The following TCTN1 variants were observed in gnomAD, a reference collection of about 807,000 sequenced individuals.
TCTN1 encodes the protein tectonic-1.
A neutral mutation model predicts 65.8 loss-of-function variants in TCTN1; 58 were observed. The observed-to-expected ratio is 0.88, with a 90% CI of 0.71 to 1.10. TCTN1 has a LOEUF of 1.10. Ranked by LOEUF, TCTN1 falls within the 50% of genes least tolerant of loss-of-function variation. The pLI is 0.00. For missense variants in TCTN1, 645 were observed against 719.4 expected (o/e 0.90, Z 1.18); for synonymous variants, 273 against 289.1 (o/e 0.94, Z 0.57).
chr12:110,634,443 G>A lies in TCTN1; in HGVS notation c.713-227G>A, dbSNP rs199643775. 1,566 of 573,914 alleles carry A rather than the reference G, an allele frequency of 2.7e-3. 11 individuals carry two copies. The highest frequency in any genetic ancestry group is 3.4e-3 in the Non-Finnish European group (1,043 of 305,738). 35.6% of individuals were successfully genotyped at this position (573,914 alleles called of 1,614,324 possible). A position where few individuals can be genotyped will look rare whatever the true frequency, so the allele number is the denominator to read the frequency against. ...TGTAATCCCAGCACTCTGGGAGGCC[G>A]AGGCGAGAGGATCACTTGAGGTGAG... On this transcript the variant is annotated intron_variant, in intron 5 of 14. Transcript: ENST00000397659.
intron 7 of TCTN1, among the ~76,000 whole-genome samples, chr12:110,637,292 C>T (rs1304652103): frequency 6.6e-6 from 1 of 152,258 alleles, no homozygotes; most frequent in Non-Finnish European, 1.5e-5. Flanking sequence ...ACATGAGGTG[C>T]TGGTGCGGCA....
At chr12:110,616,854 C>G (rs1295893323) in intron 1 of TCTN1, 1 of 152,324 alleles carries the variant, frequency 6.6e-6, no homozygotes, top group Non-Finnish European at 1.5e-5. Context: ...AGTGATAACC[C>G]TTCATCTTGA....
rs371539069 is a variant in TCTN1 at position 110,647,241 on chromosome 12, A to G, written c.1540A>G (p.Ile514Val). Residue 514 changes from isoleucine to valine, a missense_variant, in exon 13 of 15, where the codon ATA (isoleucine) becomes GTA (valine). Physicochemically the swap from Ile to Val is conservative, Grantham distance 29 (BLOSUM62 3). Coordinates refer to ENST00000397659, the MANE Select transcript of TCTN1 (RefSeq NM_001082538.3). ...DSCQLPGALVIEVKWTKYGSL... is the reference protein window; with the variant it reads ...DSCQLPGALVVEVKWTKYGSL... ...CTGCCAGCTCCCAGGGGCTTTGGTTATAGAAGTGAAGTGGACTAAATACGG... is the reference window on the plus strand; with the variant it reads ...CTGCCAGCTCCCAGGGGCTTTGGTTGTAGAAGTGAAGTGGACTAAATACGG... 44 of 1,614,076 alleles carry G rather than the reference A, an allele frequency of 2.7e-5. No individual in the cohort carries two copies. The highest frequency in any genetic ancestry group is 3.5e-5 in the Non-Finnish European group (41 of 1,180,044).
chr12:110,647,501 C>T lies in TCTN1; in HGVS notation c.1635+165C>T, dbSNP rs77123937. The T allele has an allele frequency of 8.7e-3, 8,985 of 1,036,772 alleles. 36 individuals carry two copies. The highest frequency in any genetic ancestry group is 0.01 in the Non-Finnish European group (7,150 of 702,594). 64.2% of individuals were successfully genotyped at this position (1,036,772 alleles called of 1,614,324 possible). A position where few individuals can be genotyped will look rare whatever the true frequency, so the allele number is the denominator to read the frequency against. ...CTTAGAAACACTGACGATGGTTCTA[C>T]TTACATTAGCATTCTGGTTCAGATT... is the stretch of plus-strand genomic sequence containing the variant. On this transcript the variant is annotated intron_variant, in intron 13 of 14. Coordinates refer to ENST00000397659, the MANE Select transcript of TCTN1 (RefSeq NM_001082538.3).
chr12:110,619,956 C>A lies in TCTN1; in HGVS notation c.341C>A (p.Thr114Lys). The A allele has an allele frequency of 1.2e-6, 2 of 1,614,120 alleles. No homozygotes were observed. Among genetic ancestry groups the A allele is most frequent in the Admixed American group, 1.7e-5 (1 of 59,992 alleles). Residue 114 changes from threonine (T) to lysine (K), a missense_variant and splice_region_variant, in exon 2 of 15, where the codon ACG becomes AAG. Coordinates refer to ENST00000397659, the MANE Select transcript of TCTN1 (RefSeq NM_001082538.3). Reference protein sequence around the residue: ...VFSACSVPVVTGDSQFCSQKA... With the variant: ...VFSACSVPVVKGDSQFCSQKA... ...TCTGCCTGCTCAGTTCCAGTTGTCACGTAAGTTTACGTATGACACATGCAA... is the reference window on the plus strand; with the variant it reads ...TCTGCCTGCTCAGTTCCAGTTGTCAAGTAAGTTTACGTATGACACATGCAA...
intron 3 of TCTN1, chr12:110,627,802 T>C (rs1404106310): frequency 5.1e-6 from 3 of 582,786 alleles, no homozygotes; most frequent in Non-Finnish European, 9.1e-6. Flanking sequence ...CCAAAGTACA[T>C]GTACATGTAA....
Position 110,640,237 on chromosome 12 carries a change from G to A in TCTN1, c.844-146G>A, listed in dbSNP as rs1453079204. On this transcript the variant is annotated intron_variant, in intron 7 of 14. Coordinates refer to ENST00000397659, the MANE Select transcript of TCTN1 (RefSeq NM_001082538.3). This position sits in a 1 kb window ranked among gnomAD's most constrained non-coding sequence, Gnocchi z 4.9. ...ATATATGTTTATTACTTTTGCAAAT[G>A]TGGATCATAGTATATACACTGTTGT... The A allele has an allele frequency of 3.3e-6, 3 of 909,790 alleles. No individual in the cohort carries two copies. The highest frequency in any genetic ancestry group is 5.2e-6 in the Non-Finnish European group (3 of 573,222). The allele number at this position is 909,790 out of a possible 1,614,324, so 56.4% of individuals were successfully genotyped here. A position where few individuals can be genotyped will look rare whatever the true frequency, so the allele number is the denominator to read the frequency against.
At position 110,628,122 on chromosome 12, in the gene TCTN1, A is replaced by C. The variant is rs763001913; in HGVS notation, c.473-645A>C. ...GTCGGATTCTTTCATTCCCATAGCC[A>C]TCCGGAGAGAGCTTCTCCTTACAGG... is the stretch of plus-strand genomic sequence containing the variant. On this transcript the variant is annotated intron_variant, in intron 3 of 14. Transcript: ENST00000397659. 11 of 1,535,968 alleles carry C rather than the reference A, an allele frequency of 7.2e-6. No homozygotes were observed. The South Asian group carries it at 1.3e-4, about 18-fold the overall frequency.
intron 12 of TCTN1, chr12:110,645,583 A>C (rs945764439): frequency 4.4e-6 from 1 of 226,276 alleles, no homozygotes; most frequent in Non-Finnish European, 8.9e-6. Flanking sequence ...ACTTCCGTGC[A>C]TGTGGCTCTC....
In TCTN1 at chr12:110,640,648, C is replaced by T; in HGVS notation, c.978+131C>T. On this transcript the variant is annotated intron_variant, in intron 8 of 14. Coordinates refer to ENST00000397659, the MANE Select transcript of TCTN1 (RefSeq NM_001082538.3). The surrounding 1 kb of genome is among the most constrained non-coding windows in gnomAD (Gnocchi z 4.9). ...GTGTGGCTTTTCTTGGCTCAGCTGC[C>T]TGCTTGTCTTTCTGCTGTCTCATCA... is the stretch of plus-strand genomic sequence containing the variant. The T allele has an allele frequency of 7.7e-7, 1 of 1,306,140 alleles. No individual in the cohort carries two copies. Among genetic ancestry groups the T allele is most frequent in the Non-Finnish European group, 1.1e-6 (1 of 911,618 alleles). 80.9% of individuals were successfully genotyped at this position (1,306,140 alleles called of 1,614,324 possible).
At chr12:110,626,519 G>T in intron 3 of TCTN1, 27 bp downstream of exon 3, 1 of 1,603,222 alleles carries the variant, frequency 6.2e-7, no homozygotes, top group Non-Finnish European at 8.5e-7. Flanking sequence ...GATATATTTT[G>T]TGAAGCTCTG....
At chr12:110,628,541 G>A (rs1217537206) in intron 3 of TCTN1, among the ~76,000 whole-genome samples, 3 of 151,880 alleles carry the variant, frequency 2.0e-5, no homozygotes, top group Non-Finnish European at 4.4e-5. Context: ...GGATTTCACC[G>A]TGTTGGCCAG....
intron 1 of TCTN1, among the ~76,000 whole-genome samples, chr12:110,618,695 G>C (rs1221492870): frequency 6.6e-6 from 1 of 152,146 alleles, no homozygotes; most frequent in East Asian, 1.9e-4. Flanking sequence ...AAAAGAAAAC[G>C]TTACAGATAA....
At chr12:110,623,205 A>G (rs1593246063) in intron 2 of TCTN1, among the ~76,000 whole-genome samples, 2 of 152,298 alleles carry the variant, frequency 1.3e-5, no homozygotes, top group Non-Finnish European at 2.9e-5. Flanking sequence ...TTCAGAGCCT[A>G]TCACCTGCTA....
At chr12:110,627,984 G>T in intron 3 of TCTN1, 1 of 1,464,636 alleles carries the variant, frequency 6.8e-7, no homozygotes, top group Non-Finnish European at 9.2e-7. Context: ...GTGACTGTCA[G>T]GTTCTCTGTC....
At chr12:110,627,436 G>A (rs1424848368) in intron 3 of TCTN1, among the ~76,000 whole-genome samples, 1 of 152,138 alleles carries the variant, frequency 6.6e-6, no homozygotes, top group East Asian at 1.9e-4. Context: ...TTTGCTATAT[G>A]TATAGTGTAT....
chr12:110,636,712 T>A (rs917475503), intron 7 of TCTN1, among the ~76,000 whole-genome samples: 3 of 152,128 alleles, frequency 2.0e-5, no homozygotes, highest in African/African-American at 7.2e-5. Context: ...TCTGTTGTTG[T>A]GGTTTTGTAC....
At chr12:110,641,227 A>G in intron 9 of TCTN1, 78 bp downstream of exon 9, 1 of 1,590,682 alleles carries the variant, frequency 6.3e-7, no homozygotes, top group Non-Finnish European at 8.6e-7. Context: ...GATAAAACTG[A>G]ATTTCTAAGT....
chr12:110,618,782 T>G (rs990217688), intron 1 of TCTN1, among the ~76,000 whole-genome samples: 11 of 152,090 alleles, frequency 7.2e-5, no homozygotes, highest in African/African-American at 2.7e-4. Context: ...TTTAAAAGGG[T>G]TTTCTTGTCC....
Sources: gnomAD v4.1 joint callset for allele counts (sites outside exome capture counted in the v4.1 genomes callset) on GRCh38, gnomAD v4.1.1 for gene constraint, Gnocchi (gnomAD v3.1) non-coding constraint, MANE v1.5 for transcripts, NCBI Gene and HGNC (gene_info 2026-07-23, HGNC 2026-07-21) for gene names.